The following FHOD3 variants were observed in gnomAD, a reference collection of about 807,000 sequenced individuals.
FHOD3 encodes FH1/FH2 domain-containing protein 3.
FHOD3 carries 90 observed loss-of-function variants against 173.0 expected under a neutral mutation model. That is an observed-to-expected ratio of 0.52 (90% CI 0.44 to 0.62). The LOEUF is 0.62. FHOD3 is among the 20% of genes least tolerant of loss of function. The pLI is 0.00. For synonymous variants in FHOD3, 828 were observed against 823.0 expected, an observed-to-expected ratio of 1.01 and a Z score of -0.10; for missense variants, 1,945 against 2,034.7, an observed-to-expected ratio of 0.96 and a Z score of 0.85.
intron 10 of FHOD3, among the ~76,000 whole-genome samples, chr18:36,639,560 G>A (rs28376929): frequency 0.076 from 11,613 of 152,078 alleles, 695 homozygotes; most frequent in East Asian, 0.22. Flanking sequence ...CTACTCGGGA[G>A]GCTGAGGCAG....
chr18:36,537,087 T>C (rs2057024157), intron 5 of FHOD3, among the ~76,000 whole-genome samples: 1 of 152,218 alleles, frequency 6.6e-6, no homozygotes, highest in South Asian at 2.1e-4. Context: ...TTTGCTTGTC[T>C]GTTGCATCAG....
intron 1 of FHOD3, among the ~76,000 whole-genome samples, chr18:36,330,600 G>A (rs1247568120): frequency 1.5e-5 from 2 of 135,038 alleles, no homozygotes; most frequent in Admixed American, 6.9e-5. Flanking sequence ...CTGACCATCC[G>A]TCATTTTGCT....
At chr18:36,551,467 ATTTAT>A (rs1599620821) in intron 5 of FHOD3, among the ~76,000 whole-genome samples, 1 of 151,788 alleles carries the variant, frequency 6.6e-6, no homozygotes, top group African/African-American at 2.4e-5. Context: ...AATTTGATTA[ATTTAT>A]TTAATTAATT....
intron 3 of FHOD3, among the ~76,000 whole-genome samples, chr18:36,471,328 C>T (rs146247925): frequency 4.5e-4 from 68 of 152,296 alleles, no homozygotes; most frequent in Non-Finnish European, 3.1e-4. Flanking sequence ...TGACCCGAGC[C>T]AGCTTGCATC....
At chr18:36,768,775 T>G (rs1292680768) in intron 27 of FHOD3, among the ~76,000 whole-genome samples, 2 of 152,076 alleles carry the variant, frequency 1.3e-5, no homozygotes, top group African/African-American at 4.8e-5. Flanking sequence ...TAGCGAGAAG[T>G]TAGGGTCAGC....
intron 20 of FHOD3, among the ~76,000 whole-genome samples, chr18:36,735,491 C>G (rs1038174745): frequency 1.3e-5 from 2 of 152,146 alleles, no homozygotes; most frequent in Admixed American, 1.3e-4. Context: ...TAGAGGTAGC[C>G]CCTGGGTTCT....
intron 3 of FHOD3, among the ~76,000 whole-genome samples, chr18:36,471,027 G>A (rs529187849): frequency 7.9e-4 from 121 of 152,270 alleles, no homozygotes; most frequent in Non-Finnish European, 1.2e-3. Flanking sequence ...GGCTTTGAAC[G>A]CCCACAATTA....
chr18:36,737,871 C>T (rs1483006600), intron 20 of FHOD3, among the ~76,000 whole-genome samples: 3 of 152,108 alleles, frequency 2.0e-5, no homozygotes, highest in African/African-American at 4.8e-5. Flanking sequence ...AGAGTGCAGT[C>T]GACTTTTTGG....
chr18:36,530,844 G>T (rs2056751653), intron 5 of FHOD3, among the ~76,000 whole-genome samples: 1 of 152,182 alleles, frequency 6.6e-6, no homozygotes, highest in African/African-American at 2.4e-5. Flanking sequence ...TTCATCCTGG[G>T]TTGCTTCTTA....
chr18:36,403,533 G>A (rs886425483), intron 3 of FHOD3, among the ~76,000 whole-genome samples: 9 of 152,002 alleles, frequency 5.9e-5, no homozygotes, highest in Admixed American at 2.0e-4. Flanking sequence ...TATCACTTAC[G>A]GATCTTACTG....
intron 3 of FHOD3, among the ~76,000 whole-genome samples, chr18:36,451,023 G>A (rs1323675496): frequency 1.3e-5 from 2 of 152,142 alleles, no homozygotes; most frequent in Non-Finnish European, 2.9e-5. Context: ...TACTACAGTA[G>A]TCTTTCAATT....
At chr18:36,749,605 T>A (rs1023680129) in intron 24 of FHOD3, among the ~76,000 whole-genome samples, 1 of 152,232 alleles carries the variant, frequency 6.6e-6, no homozygotes, top group Non-Finnish European at 1.5e-5. Context: ...TGATTTCATG[T>A]CTTTGCTGTT....
chr18:36,299,385 G>T (rs2144316702), intron 1 of FHOD3, among the ~76,000 whole-genome samples: 1 of 152,192 alleles, frequency 6.6e-6, no homozygotes, highest in East Asian at 1.9e-4. Flanking sequence ...TAAATTATTT[G>T]GTTCTTCTCA....
chr18:36,405,688 G>A (rs947832603), intron 3 of FHOD3, among the ~76,000 whole-genome samples: 14 of 152,172 alleles, frequency 9.2e-5, no homozygotes, highest in African/African-American at 1.9e-4. Context: ...TTTATGCTTC[G>A]TAAGTTTCCC....
chr18:36,414,655 G>A (rs969033454), intron 3 of FHOD3, among the ~76,000 whole-genome samples: 26 of 152,192 alleles, frequency 1.7e-4, no homozygotes, highest in African/African-American at 6.0e-4. Context: ...TGGCTGTGAT[G>A]CCTGTGATGA....
chr18:36,515,481 TGGTGGGATTACA>T, intron 5 of FHOD3, among the ~76,000 whole-genome samples: 1 of 152,300 alleles, frequency 6.6e-6, no homozygotes, highest in South Asian at 2.1e-4. Flanking sequence ...CCTCCCAAAG[TGGTGGGATTACA>T]GGCGTGAGCC....
chr18:36,517,359 G>A (rs2056046780), intron 5 of FHOD3, among the ~76,000 whole-genome samples: 1 of 152,140 alleles, frequency 6.6e-6, no homozygotes, highest in Non-Finnish European at 1.5e-5. Flanking sequence ...TCAGGCCCTG[G>A]GGTTGTGACG....
At chr18:36,647,068 C>G (rs905764603) in intron 10 of FHOD3, among the ~76,000 whole-genome samples, 7 of 152,104 alleles carry the variant, frequency 4.6e-5, no homozygotes, top group African/African-American at 1.7e-4. Context: ...GAAACCCCGT[C>G]TCTACTAAAT....
intron 20 of FHOD3, among the ~76,000 whole-genome samples, chr18:36,739,848 T>G (rs1287758162): frequency 6.6e-6 from 1 of 152,238 alleles, no homozygotes; most frequent in Non-Finnish European, 1.5e-5. Flanking sequence ...TTTTAGAAAT[T>G]TTTTGTAGAT....
Sources: gnomAD v4.1 joint callset for allele counts (sites outside exome capture counted in the v4.1 genomes callset) on GRCh38, gnomAD v4.1.1 for gene constraint, MANE v1.5 for transcripts, NCBI Gene and HGNC (gene_info 2026-07-23, HGNC 2026-07-21) for gene names.